The following FILIP1L variants were observed in gnomAD, a reference collection of about 807,000 sequenced individuals.
FILIP1L encodes filamin A interacting protein 1 like, also known as filamin A-interacting protein 1-like.
A neutral mutation model predicts 96.6 loss-of-function variants in FILIP1L; 55 were observed. That is an observed-to-expected ratio of 0.57 (90% confidence interval 0.46 to 0.71). The LOEUF is 0.71. Ranked by LOEUF, FILIP1L falls within the 30% of genes least tolerant of loss-of-function variation. The probability of loss-of-function intolerance (pLI) is 0.00; values close to 1 mark genes in which losing one functional copy is unlikely to be tolerated. For synonymous variants in FILIP1L, 467 were observed against 473.9 expected (o/e 0.99, Z 0.19); for missense variants, 1,304 against 1,321.2 (o/e 0.99, Z 0.20).
chr3:99,924,517 G>T lies in FILIP1L; in HGVS notation c.427-109C>A, dbSNP rs764542396. 10 of 1,162,116 alleles carry T rather than the reference G, an allele frequency of 8.6e-6. No individual in the cohort carries two copies. In the East Asian group the frequency reaches 9.5e-5, roughly 11 times the overall value. 72.0% of individuals were successfully genotyped at this position (1,162,116 alleles called of 1,614,324 possible). Reference sequence around the variant, plus strand: ...ATTAATTCGGCAGTGGGTTTTTTTGGTTTTTTGTTTGTTTGTTTTGAAACA... The same window carrying T: ...ATTAATTCGGCAGTGGGTTTTTTTGTTTTTTTGTTTGTTTGTTTTGAAACA... On this transcript the variant is annotated intron_variant, in intron 3 of 5. Coordinates refer to ENST00000477258, the MANE Select transcript of FILIP1L (RefSeq NM_001387850.1).
intron 4 of FILIP1L, among the ~76,000 whole-genome samples, chr3:99,920,738 A>G (rs1477127283): frequency 6.6e-6 from 1 of 152,148 alleles, no homozygotes; most frequent in Non-Finnish European, 1.5e-5. Context: ...TTTTGGCCTG[A>G]GCTCAATGTG....
intron 5 of FILIP1L, among the ~76,000 whole-genome samples, chr3:99,842,959 G>A (rs1943200886): frequency 6.6e-6 from 1 of 152,170 alleles, no homozygotes; most frequent in Non-Finnish European, 1.5e-5. Flanking sequence ...CTGATATATT[G>A]ACTGCCCAAA....
At chr3:99,930,642 T>G (rs1707447999) in intron 2 of FILIP1L, 127 bp downstream of exon 2, 1 of 975,312 alleles carries the variant, frequency 1.0e-6, no homozygotes, top group Non-Finnish European at 1.5e-6. Flanking sequence ...GTATATATAC[T>G]TATGCTTTGC....
At chr3:99,905,119 C>T (rs541376670) in intron 4 of FILIP1L, among the ~76,000 whole-genome samples, 84 of 152,310 alleles carry the variant, frequency 5.5e-4, no homozygotes, top group African/African-American at 2.0e-3. Flanking sequence ...TCATAGACTG[C>T]TTCTTGTCTA....
chr3:100,051,199 T>G (rs2065365917), intron 1 of FILIP1L: 1 of 152,134 alleles, frequency 6.6e-6, no homozygotes, highest in Admixed American at 6.5e-5. Flanking sequence ...GAGTCCAGCT[T>G]CTTATTTTTT....
At chr3:100,078,228 A>T (rs1324242574) in intron 1 of FILIP1L, among the ~76,000 whole-genome samples, 1 of 152,232 alleles carries the variant, frequency 6.6e-6, no homozygotes, top group Non-Finnish European at 1.5e-5. Context: ...GTTGAAGTAT[A>T]TAGGAGGGAA....
At chr3:100,051,515 C>T (rs1348644950) in intron 1 of FILIP1L, among the ~76,000 whole-genome samples, 1 of 120,344 alleles carries the variant, frequency 8.3e-6, no homozygotes. Flanking sequence ...CCTCCCCCCA[C>T]CCCACAACAG....
intron 5 of FILIP1L, among the ~76,000 whole-genome samples, chr3:99,835,572 G>A (rs1005060927): frequency 1.3e-5 from 2 of 152,200 alleles, no homozygotes; most frequent in Admixed American, 1.3e-4. Context: ...GAGCCTGTTA[G>A]GATGCAGAAT....
intron 3 of FILIP1L, among the ~76,000 whole-genome samples, chr3:99,927,110 C>A (rs953070336): frequency 3.3e-5 from 5 of 152,154 alleles, no homozygotes; most frequent in African/African-American, 7.2e-5. Flanking sequence ...GCAGTTCTTA[C>A]AATTCACCAT....
At chr3:99,918,215 A>G (rs1361814758) in intron 4 of FILIP1L, among the ~76,000 whole-genome samples, 1 of 151,998 alleles carries the variant, frequency 6.6e-6, no homozygotes, top group Admixed American at 6.6e-5. Flanking sequence ...TGACCTCATT[A>G]TCTCCCTGCC....
intron 4 of FILIP1L, among the ~76,000 whole-genome samples, chr3:99,892,202 GA>G (rs1706104646): frequency 6.6e-6 from 1 of 152,164 alleles, no homozygotes. Flanking sequence ...CTTGAATTAA[GA>G]AGTTTTTCAT....
At chr3:100,004,724 C>T (rs981107238) in intron 1 of FILIP1L, among the ~76,000 whole-genome samples, 3 of 152,048 alleles carry the variant, frequency 2.0e-5, no homozygotes, top group African/African-American at 7.2e-5. Flanking sequence ...AGTGATAATA[C>T]CTAAAAGGTA....
At chr3:99,843,015 C>A (rs1943203379) in intron 5 of FILIP1L, among the ~76,000 whole-genome samples, 1 of 152,194 alleles carries the variant, frequency 6.6e-6, no homozygotes. Context: ...AAGGGTCCAT[C>A]TGCTGGAAAG....
At chr3:99,957,588 C>G (rs770636645) in intron 1 of FILIP1L, among the ~76,000 whole-genome samples, 10 of 151,822 alleles carry the variant, frequency 6.6e-5, no homozygotes, top group Non-Finnish European at 1.3e-4. Context: ...AATTTTCACC[C>G]TCTGGGGCCT....
At chr3:99,861,155 T>C (rs1054650153) in intron 4 of FILIP1L, among the ~76,000 whole-genome samples, 6 of 152,184 alleles carry the variant, frequency 3.9e-5, no homozygotes, top group Non-Finnish European at 7.4e-5. Flanking sequence ...TTTCCTCTTT[T>C]CCATACTTTC....
chr3:99,845,633 C>T (rs555739405), intron 5 of FILIP1L, among the ~76,000 whole-genome samples: 2 of 152,286 alleles, frequency 1.3e-5, no homozygotes, highest in African/African-American at 4.8e-5. Context: ...TCCTCTCTCA[C>T]ACGCACACAA....
chr3:100,035,978 A>G (rs1027860009), intron 1 of FILIP1L, among the ~76,000 whole-genome samples: 1 of 152,208 alleles, frequency 6.6e-6, no homozygotes, highest in African/African-American at 2.4e-5. Context: ...CAGGGATCTC[A>G]TCAGATTCTT....
At chr3:99,931,470 G>C (rs890847878) in intron 1 of FILIP1L, among the ~76,000 whole-genome samples, 2 of 152,104 alleles carry the variant, frequency 1.3e-5, no homozygotes, top group South Asian at 4.1e-4. Context: ...AAAATTGTTG[G>C]GAGCTTTTAT....
chr3:99,890,855 G>T (rs1449513344), intron 4 of FILIP1L, among the ~76,000 whole-genome samples: 1 of 151,368 alleles, frequency 6.6e-6, no homozygotes, highest in African/African-American at 2.4e-5. Context: ...ATTATTTTCT[G>T]TATGCTTTCA....
Sources: gnomAD v4.1 joint callset for allele counts (sites outside exome capture counted in the v4.1 genomes callset) on GRCh38, gnomAD v4.1.1 for gene constraint, MANE v1.5 for transcripts, NCBI Gene and HGNC (gene_info 2026-07-23, HGNC 2026-07-21) for gene names.